Variants in CDH6 observed in about 807,000 individuals in gnomAD.
The protein encoded by CDH6 is cadherin-6.
A neutral mutation model predicts 78.0 loss-of-function variants in CDH6; 31 were observed. The ratio of observed to expected loss-of-function variants is 0.40; its 90% CI spans 0.30 to 0.54. The LOEUF (loss-of-function observed/expected upper bound fraction) is 0.54. Among genes scored for constraint, CDH6 ranks in the 20% least tolerant of loss-of-function variants. The pLI is 0.56. For missense variants in CDH6, 724 were observed against 975.9 expected (o/e 0.74, Z 3.44); for synonymous variants, 376 against 368.8 (o/e 1.02, Z -0.23).
chr5:31,310,067 C>T (rs78822001), intron 7 of CDH6, among the ~76,000 whole-genome samples: 4,518 of 152,338 alleles, frequency 0.03, 205 homozygotes, highest in African/African-American at 0.094. Context: ...CTCATCCCAG[C>T]ATTAACTCAA....
chr5:31,299,358 G>T, intron 4 of CDH6, 106 bp from the exon 5 acceptor site: 1 of 825,758 alleles, frequency 1.2e-6, no homozygotes, highest in Admixed American at 2.1e-5. Flanking sequence ...CATCTGCATA[G>T]CATTTTGCAT....
Position 31,317,879 on chromosome 5 carries a change from A to T in CDH6, c.1837A>T (p.Thr613Ser). ...GCTCATCCACCCCACGGGACTGAGCACGGGGGCTCTGGTTGCCATCCTTCT... is the reference window on the plus strand; with the variant it reads ...GCTCATCCACCCCACGGGACTGAGCTCGGGGGCTCTGGTTGCCATCCTTCT... ...EALIHPTGLSTGALVAILLCI... is the reference protein window; with the variant it reads ...EALIHPTGLSSGALVAILLCI... The change falls in exon 11 of 12, where the codon ACG becomes TCG. Residue 613 changes from threonine (T) to serine (S), a missense_variant. Around this residue, in one of 3 missense-constraint regions of CDH6, gnomAD observed 220 missense variants for 240.6 expected, o/e 0.91. Coordinates refer to ENST00000265071, the MANE Select transcript of CDH6 (RefSeq NM_004932.4). The T allele has an allele frequency of 6.2e-7, 1 of 1,614,038 alleles. No homozygotes were observed. Among genetic ancestry groups the T allele is most frequent in the Non-Finnish European group, 8.5e-7 (1 of 1,180,000 alleles).
chr5:31,218,516 AAG>A lies in CDH6; in HGVS notation c.-129+24631_-129+24632del, dbSNP rs1357072584. Among the ~76,000 whole-genome samples, 5 of 152,104 alleles carry A rather than the reference AAG, an allele frequency of 3.3e-5. No homozygotes were observed. The East Asian group carries it at 9.7e-4, about 29-fold the overall frequency. On this transcript the variant is annotated intron_variant, in intron 1 of 11. Transcript: ENST00000265071. Reference sequence around the variant, plus strand: ...TCGTTTATTTCGACAGAAAGTTCCTAAGTGTGTTCTTGCTATCTTCCCCCATT... The same window carrying A: ...TCGTTTATTTCGACAGAAAGTTCCTATGTGTTCTTGCTATCTTCCCCCATT...
chr5:31,226,381 G>A (rs914671884), intron 1 of CDH6, among the ~76,000 whole-genome samples: 2 of 152,128 alleles, frequency 1.3e-5, no homozygotes, highest in African/African-American at 2.4e-5. Flanking sequence ...CACCATGTTG[G>A]CCAGGGTGGT....
intron 5 of CDH6, among the ~76,000 whole-genome samples, chr5:31,300,382 A>G (rs2909574): frequency 0.89 from 134,745 of 152,174 alleles, 61,176 homozygotes; most frequent in Non-Finnish European, 0.99. Flanking sequence ...TTCTATCATG[A>G]CATTTTAAAA....
At chr5:31,304,929 G>T in intron 6 of CDH6, among the ~76,000 whole-genome samples, 1 of 151,976 alleles carries the variant, frequency 6.6e-6, no homozygotes, top group East Asian at 1.9e-4. Context: ...CATTTTTCAG[G>T]GCTGTGTGGC....
At chr5:31,246,429 A>G (rs1016176198) in intron 1 of CDH6, among the ~76,000 whole-genome samples, 1 of 152,184 alleles carries the variant, frequency 6.6e-6, no homozygotes, top group Non-Finnish European at 1.5e-5. Flanking sequence ...CTATGTTTCA[A>G]TTGGGGATGA....
chr5:31,315,817 A>T (rs928187535), intron 8 of CDH6, among the ~76,000 whole-genome samples: 1 of 152,186 alleles, frequency 6.6e-6, no homozygotes, highest in African/African-American at 2.4e-5. Context: ...AACCACTAAG[A>T]CTAATAACTA....
At chr5:31,302,894 A>G (rs576545665) in intron 6 of CDH6, among the ~76,000 whole-genome samples, 4 of 142,706 alleles carry the variant, frequency 2.8e-5, no homozygotes, top group South Asian at 2.2e-4. Context: ...AAGGAAAGAA[A>G]GAAAGAAAAA....
At chr5:31,213,306 G>A (rs530333946) in intron 1 of CDH6, among the ~76,000 whole-genome samples, 4 of 152,150 alleles carry the variant, frequency 2.6e-5, no homozygotes, top group African/African-American at 9.7e-5. Context: ...AATGCAGAAC[G>A]GATGCATTTT....
chr5:31,194,312 G>T (rs961837097), intron 1 of CDH6, among the ~76,000 whole-genome samples: 2 of 152,236 alleles, frequency 1.3e-5, no homozygotes, highest in African/African-American at 2.4e-5. Flanking sequence ...CCGCCGAGCC[G>T]TTTGGGGCTT....
At chr5:31,226,849 A>G (rs773666226) in intron 1 of CDH6, among the ~76,000 whole-genome samples, 6 of 152,204 alleles carry the variant, frequency 3.9e-5, no homozygotes, top group Non-Finnish European at 8.8e-5. Context: ...AAATCCCACT[A>G]TCCTCATTAT....
At chr5:31,220,634 T>C (rs1160345216) in intron 1 of CDH6, among the ~76,000 whole-genome samples, 3 of 152,162 alleles carry the variant, frequency 2.0e-5, no homozygotes, top group Admixed American at 6.6e-5. Flanking sequence ...AGTCAATACA[T>C]ATGTACATAA....
At chr5:31,227,012 A>G (rs11740910) in intron 1 of CDH6, among the ~76,000 whole-genome samples, 136,462 of 152,178 alleles carry the variant, frequency 0.9, 61,334 homozygotes, top group East Asian at 0.99. Context: ...AAAATGACCC[A>G]TCCCTGGAAG....
At chr5:31,292,642 A>G (rs1423706008) in intron 2 of CDH6, among the ~76,000 whole-genome samples, 1 of 151,978 alleles carries the variant, frequency 6.6e-6, no homozygotes, top group Non-Finnish European at 1.5e-5. Context: ...TCTATATACC[A>G]TGGATGCTTA....
chr5:31,225,996 C>T (rs747416463), intron 1 of CDH6, among the ~76,000 whole-genome samples: 11 of 152,108 alleles, frequency 7.2e-5, no homozygotes, highest in Admixed American at 6.5e-5. Context: ...GCAGGAGAAA[C>T]ATAGAGTCCT....
intron 1 of CDH6, among the ~76,000 whole-genome samples, chr5:31,203,311 T>C (rs1740418536): frequency 6.8e-6 from 1 of 145,988 alleles, no homozygotes; most frequent in Non-Finnish European, 1.5e-5. Context: ...GTTAGTTACA[T>C]ATGTATACAT....
chr5:31,203,233 C>CTTTTTTTTTTTTT (rs10656122), intron 1 of CDH6, among the ~76,000 whole-genome samples: 1 of 127,228 alleles, frequency 7.9e-6, no homozygotes, highest in African/African-American at 3.2e-5. Context: ...CAGGCAGGTC[C>CTTTTTTTTTTTTT]TTTTTTTTTT....
Position 31,251,843 on chromosome 5 carries a change from T to A in CDH6, c.-128-15503T>A, listed in dbSNP as rs560473489. On this transcript the variant is annotated intron_variant, in intron 1 of 11. Transcript: ENST00000265071. Reference sequence around the variant, plus strand: ...CTGCCCTTTTTATTATAAATAAATGTCAAGTTTAAATAAATCTGAAGTAAG... The same window carrying A: ...CTGCCCTTTTTATTATAAATAAATGACAAGTTTAAATAAATCTGAAGTAAG... 5 of 152,336 alleles carry A rather than the reference T, an allele frequency of 3.3e-5. No individual in the cohort carries two copies. The South Asian group carries it at 1.0e-3, about 32-fold the overall frequency. 9.4% of individuals were successfully genotyped at this position (152,336 alleles called of 1,614,324 possible).
Sources: allele counts gnomAD v4.1 joint callset (sites outside exome capture counted in the v4.1 genomes callset), GRCh38; gene constraint gnomAD v4.1.1; regional missense constraint gnomAD v4.1.1; transcripts MANE v1.5; gene names NCBI Gene and HGNC (gene_info 2026-07-23, HGNC 2026-07-21).